Variants in PTPRD observed in about 807,000 individuals in gnomAD.
PTPRD encodes protein tyrosine phosphatase receptor type D.
Under a neutral mutation model 214.5 loss-of-function variants are expected in PTPRD, and 34 were observed. That is an observed-to-expected ratio of 0.16 (90% CI 0.12 to 0.21). The LOEUF (loss-of-function observed/expected upper bound fraction) is 0.21. Ranked by LOEUF, PTPRD falls within the 10% of genes least tolerant of loss-of-function variation. PTPRD has a pLI of 1.00. For missense variants in PTPRD, 2,545 were observed against 2,398.7 expected (o/e 1.06, Z -1.27); for synonymous variants, 1,128 against 845.7 (o/e 1.33, Z -5.79).
Position 8,663,896 on chromosome 9 carries a change from T to TAAA in PTPRD, c.65-27055_65-27053dup, listed in dbSNP as rs58779294. Among the ~76,000 whole-genome samples, 174 of 145,246 alleles carry TAAA rather than the reference T, an allele frequency of 1.2e-3. 2 individuals are homozygous for TAAA. Among genetic ancestry groups the TAAA allele is most frequent in the African/African-American group, 4.2e-3 (167 of 40,216 alleles). ...TACCAATTAAGTCTTCAAAGTGCATTAAAAAAAAAAAAGCAAGCTTAAATA... is the reference window on the plus strand; with the variant it reads ...TACCAATTAAGTCTTCAAAGTGCATTAAAAAAAAAAAAAAAGCAAGCTTAAATA... On this transcript the variant is annotated intron_variant, in intron 12 of 45. Transcript: ENST00000381196.
At chr9:9,011,033 AT>A (rs1313170607) in intron 11 of PTPRD, among the ~76,000 whole-genome samples, 1 of 152,210 alleles carries the variant, frequency 6.6e-6, no homozygotes, top group Non-Finnish European at 1.5e-5. Context: ...CATGCTCATA[AT>A]TTAGATTGCC....
intron 3 of PTPRD, among the ~76,000 whole-genome samples, chr9:10,257,316 T>G (rs2093356736): frequency 6.6e-6 from 1 of 152,180 alleles, no homozygotes; most frequent in Non-Finnish European, 1.5e-5. Flanking sequence ...TCCACTCAAA[T>G]CTTTATGTAA....
intron 8 of PTPRD, among the ~76,000 whole-genome samples, chr9:9,453,020 A>ATT (rs34378799): frequency 0.5 from 71,722 of 144,738 alleles, 17,871 homozygotes; most frequent in East Asian, 0.64. Flanking sequence ...AGCCTATTTT[A>ATT]TTTTTTTTTT....
intron 2 of PTPRD, among the ~76,000 whole-genome samples, chr9:10,441,303 A>T (rs1659575456): frequency 6.6e-6 from 1 of 151,728 alleles, no homozygotes; most frequent in Non-Finnish European, 1.5e-5. Flanking sequence ...TTATCTCTTT[A>T]CAAGTACTAA....
chr9:8,348,851 T>G (rs955664477), intron 39 of PTPRD, among the ~76,000 whole-genome samples: 13 of 152,310 alleles, frequency 8.5e-5, no homozygotes, highest in African/African-American at 2.6e-4. Context: ...TTTTGATTTA[T>G]TCCTCCTTGG....
intron 3 of PTPRD, among the ~76,000 whole-genome samples, chr9:10,164,901 A>G (rs2099149943): frequency 6.6e-6 from 1 of 151,520 alleles, no homozygotes; most frequent in East Asian, 1.9e-4. Context: ...AAGAAAAAAA[A>G]AAAAAGACAA....
Position 8,708,634 on chromosome 9 carries a change from G to A in PTPRD, c.64+25146C>T, listed in dbSNP as rs138875624. 2.1e-3 allele frequency among the ~76,000 whole-genome samples: 272 copies of A among 128,986 alleles called. 9 individuals are homozygous for A. Among genetic ancestry groups the A allele is most frequent in the African/African-American group, 7.5e-3 (261 of 34,894 alleles). 84.6% of individuals were successfully genotyped at this position (128,986 alleles called of 152,430 possible). A position where few individuals can be genotyped will look rare whatever the true frequency, so the allele number is the denominator to read the frequency against. On this transcript the variant is annotated intron_variant, in intron 12 of 45. Coordinates refer to ENST00000381196, the MANE Select transcript of PTPRD (RefSeq NM_002839.4). ...TCGGAAGTTGCAGTGAGCCCAGATC[G>A]CACCAGTGCACTCCAGCCTGGGTGA... is the stretch of plus-strand genomic sequence containing the variant.
chr9:8,395,522 T>A (rs901480449), intron 36 of PTPRD, among the ~76,000 whole-genome samples: 14 of 152,180 alleles, frequency 9.2e-5, no homozygotes, highest in Admixed American at 8.5e-4. Context: ...GGATTCTTTC[T>A]GCAACATACC....
intron 14 of PTPRD, among the ~76,000 whole-genome samples, chr9:8,598,247 T>C (rs2094579358): frequency 6.6e-6 from 1 of 151,186 alleles, no homozygotes; most frequent in South Asian, 2.1e-4. Context: ...AGGTCAGGAG[T>C]TTGAGACCAG....
chr9:10,412,609 C>T (rs2154510896), intron 2 of PTPRD, among the ~76,000 whole-genome samples: 1 of 109,838 alleles, frequency 9.1e-6, no homozygotes, highest in South Asian at 3.3e-4. Flanking sequence ...CAGATATACA[C>T]ACACGCACGC....
At chr9:9,814,776 G>C (rs910397837) in intron 5 of PTPRD, among the ~76,000 whole-genome samples, 5 of 145,842 alleles carry the variant, frequency 3.4e-5, no homozygotes, top group Non-Finnish European at 7.4e-5. Context: ...AACCATGAAC[G>C]CTCCAAATAC....
chr9:9,625,945 C>T (rs765421990), intron 7 of PTPRD, among the ~76,000 whole-genome samples: 1 of 152,016 alleles, frequency 6.6e-6, no homozygotes, highest in Non-Finnish European at 1.5e-5. Flanking sequence ...TGTTTTTGTC[C>T]TTGTGGGCCA....
chr9:9,769,562 G>C (rs1341908542), intron 5 of PTPRD, among the ~76,000 whole-genome samples: 1 of 151,706 alleles, frequency 6.6e-6, no homozygotes, highest in Non-Finnish European at 1.5e-5. Flanking sequence ...TCCTGACCTC[G>C]TGATCCGCTT....
intron 7 of PTPRD, among the ~76,000 whole-genome samples, chr9:9,579,449 C>T (rs1038228733): frequency 1.3e-5 from 2 of 151,986 alleles, no homozygotes; most frequent in African/African-American, 4.8e-5. Flanking sequence ...TTTTTAAGAT[C>T]TGGGGTACAC....
chr9:9,799,509 T>C (rs2099024852), intron 5 of PTPRD: 1 of 152,200 alleles, frequency 6.6e-6, no homozygotes, highest in Admixed American at 6.6e-5. Flanking sequence ...GCCTTGCTTT[T>C]GAAAGAATGA....
At chr9:9,465,944 T>G (rs1156510842) in intron 8 of PTPRD, among the ~76,000 whole-genome samples, 1 of 114,780 alleles carries the variant, frequency 8.7e-6, no homozygotes, top group Non-Finnish European at 1.9e-5. Flanking sequence ...GACCACAAAT[T>G]GTGCTTATTT....
intron 2 of PTPRD, among the ~76,000 whole-genome samples, chr9:10,414,193 TG>T (rs142612349): frequency 0.015 from 2,343 of 152,056 alleles, 65 homozygotes; most frequent in African/African-American, 0.053. Flanking sequence ...AAAAAATATT[TG>T]CAAACTACGT....
chr9:8,769,022 G>A (rs1047919800), intron 11 of PTPRD, among the ~76,000 whole-genome samples: 1 of 152,128 alleles, frequency 6.6e-6, no homozygotes, highest in Non-Finnish European at 1.5e-5. Flanking sequence ...GAGGTGTTTA[G>A]CCAAAAGCAA....
At chr9:8,832,100 GTA>G (rs1049491908) in intron 11 of PTPRD, among the ~76,000 whole-genome samples, 4 of 110,696 alleles carry the variant, frequency 3.6e-5, no homozygotes, top group East Asian at 2.2e-4. Flanking sequence ...ATATGTATGT[GTA>G]TATGTGTGTG....
Sources: allele counts gnomAD v4.1 joint callset (sites outside exome capture counted in the v4.1 genomes callset), GRCh38; gene constraint gnomAD v4.1.1; transcripts MANE v1.5; gene names NCBI Gene and HGNC (gene_info 2026-07-23, HGNC 2026-07-21).